The following CFAP47 variants were observed in gnomAD, a reference collection of about 807,000 sequenced individuals.
The protein encoded by CFAP47 is cilia and flagella associated protein 47, also known as cilia- and flagella-associated protein 47.
CFAP47 carries 29 observed loss-of-function variants against 148.1 expected under a neutral mutation model. The ratio of observed to expected loss-of-function variants is 0.20; its 90% CI spans 0.15 to 0.27. The LOEUF (loss-of-function observed/expected upper bound fraction) is 0.27. Ranked by LOEUF, CFAP47 falls within the 10% of genes least tolerant of loss-of-function variation. The pLI, the probability that CFAP47 is intolerant of heterozygous loss-of-function variation, is 1.00. For missense variants in CFAP47, 1,872 were observed against 1,697.5 expected (o/e 1.10, Z -1.81); for synonymous variants, 664 against 577.3 (o/e 1.15, Z -2.15).
chrX:36,094,227 C>T (rs771143649), intron 30 of CFAP47, among the ~76,000 whole-genome samples: 20 of 110,356 alleles, frequency 1.8e-4, no homozygotes, highest in African/African-American at 5.9e-4. Context: ...TTCCATTGGT[C>T]GATGTGTATG....
intron 49 of CFAP47, among the ~76,000 whole-genome samples, chrX:36,272,121 C>CA (rs1306167578): frequency 8.9e-6 from 1 of 111,827 alleles, no homozygotes; most frequent in African/African-American, 3.3e-5. Flanking sequence ...CTGTCACACC[C>CA]AGATCAGCTG....
intron 15 of CFAP47, among the ~76,000 whole-genome samples, chrX:35,979,844 C>G (rs7879249): frequency 0.14 from 15,064 of 111,369 alleles, 1,013 homozygotes; most frequent in East Asian, 0.3. Context: ...CAAGCCCAGC[C>G]CATTCCTCCC....
At chrX:36,205,182 C>T in intron 45 of CFAP47, 72 bp downstream of exon 45, 1 of 292,221 alleles carries the variant, frequency 3.4e-6, no homozygotes, top group Non-Finnish European at 6.0e-6. Context: ...ACAGTTGAGG[C>T]AAAAAGAGAT....
intron 37 of CFAP47, among the ~76,000 whole-genome samples, chrX:36,152,592 G>A (rs1446172782): frequency 9.0e-6 from 1 of 111,258 alleles, no homozygotes; most frequent in Non-Finnish European, 1.9e-5. Flanking sequence ...CCACTGTGTG[G>A]CTGATAATGA....
chrX:36,175,460 T>C (rs1165207100), intron 39 of CFAP47, among the ~76,000 whole-genome samples: 1 of 111,792 alleles, frequency 8.9e-6, no homozygotes, highest in East Asian at 2.8e-4. Context: ...ATGATGGTGA[T>C]GTACAGATTG....
intron 8 of CFAP47, among the ~76,000 whole-genome samples, chrX:35,961,182 C>T (rs1936325248): frequency 8.9e-6 from 1 of 111,956 alleles, no homozygotes; most frequent in African/African-American, 3.2e-5. Context: ...TGAAATCATA[C>T]TTGTACATAG....
intron 37 of CFAP47, among the ~76,000 whole-genome samples, chrX:36,150,322 C>A (rs1939292908): frequency 9.0e-6 from 1 of 111,589 alleles, no homozygotes; most frequent in Non-Finnish European, 1.9e-5. Context: ...TTGGATATGC[C>A]AACACATGCT....
At chrX:36,275,848 TA>T (rs1941010650) in intron 49 of CFAP47, among the ~76,000 whole-genome samples, 1 of 111,204 alleles carries the variant, frequency 9.0e-6, no homozygotes, top group Admixed American at 9.6e-5. Flanking sequence ...GAAGGTTTTT[TA>T]TTACTGATTC....
chrX:36,234,945 C>G (rs1405668814), intron 46 of CFAP47, among the ~76,000 whole-genome samples: 2 of 111,401 alleles, frequency 1.8e-5, no homozygotes, highest in Admixed American at 1.9e-4. Flanking sequence ...TCGTGAACTG[C>G]GAATGCTGCT....
At chrX:35,959,575 G>A (rs536848736) in intron 8 of CFAP47, among the ~76,000 whole-genome samples, 27 of 111,437 alleles carry the variant, frequency 2.4e-4, no homozygotes, top group African/African-American at 7.8e-4. Context: ...TTGGGAGGCC[G>A]AGGCGGCTGG....
rs782615633 is a variant in CFAP47 at position 36,299,005 on chromosome X, C to G, written c.7715C>G (p.Ser2572Cys). Residue 2572 changes from serine (S) to cysteine (C), a missense_variant, in exon 52 of 64, where the codon TCT becomes TGT. By Grantham distance (112) the Ser-to-Cys change is moderately radical (BLOSUM62 -1). Transcript: ENST00000378653. Reference protein sequence around the residue: ...LDSTCIEIPLSNPKDRGLHLE... With the variant: ...LDSTCIEIPLCNPKDRGLHLE... ...AGCACTTGCATTGAAATACCTCTCT[C>G]TAATCCAAAAGATAGAGGTCTTCAC... 4.3e-6 allele frequency: 5 copies of G among 1,155,136 alleles called. No homozygotes were observed.
rs1026781781 is a variant in CFAP47, at chrX:35,989,223, T to C, written c.2714-96T>C. On this transcript the variant is annotated intron_variant, in intron 15 of 63. Transcript: ENST00000378653. ...AATTTTAATAGTTTATTTAATGCAA[T>C]CACATTTTTACCTTAACTCTTATTT... 6.1e-5 allele frequency: 39 copies of C among 643,768 alleles called. 1 individual carries two copies. In the South Asian group the frequency reaches 1.1e-3, roughly 18 times the overall value. 53.1% of individuals were successfully genotyped at this position (643,768 alleles called of 1,213,427 possible).
intron 24 of CFAP47, among the ~76,000 whole-genome samples, chrX:36,037,149 C>T: frequency 8.9e-6 from 1 of 111,770 alleles, no homozygotes; most frequent in East Asian, 2.8e-4. Context: ...CCAGCTGAAC[C>T]TACCATCCAT....
intron 1 of CFAP47, among the ~76,000 whole-genome samples, chrX:35,924,620 G>A (rs775526298): frequency 3.7e-5 from 4 of 108,846 alleles, no homozygotes; most frequent in Admixed American, 9.7e-5. Flanking sequence ...TATTATGTAT[G>A]TATATGATTG....
intron 33 of CFAP47, among the ~76,000 whole-genome samples, chrX:36,130,824 A>C (rs149022065): frequency 5.0e-4 from 56 of 111,651 alleles, no homozygotes; most frequent in African/African-American, 1.8e-3. Context: ...TAAGCCATGC[A>C]CAGATAAACA....
At position 36,194,548 on chromosome X, in the gene CFAP47, T is replaced by C. The variant is rs782782948; in HGVS notation, c.6321+4352T>C. On this transcript the variant is annotated intron_variant, in intron 42 of 63. Transcript: ENST00000378653. ...CTGGGTCATGTGTAATGAATGGAGA[T>C]TTAATTGGCTCATGGTTCTGCGGGC... is the stretch of plus-strand genomic sequence containing the variant. Among the ~76,000 whole-genome samples the C allele has an allele frequency of 1.2e-4, 13 of 111,936 alleles. No individual in the cohort carries two copies. The South Asian group carries it at 4.8e-3, about 41-fold the overall frequency.
intron 51 of CFAP47, 106 bp from the exon 52 acceptor site, chrX:36,298,871 C>T: frequency 2.2e-6 from 1 of 446,169 alleles, no homozygotes; most frequent in East Asian, 4.0e-5. Context: ...AAAAATAAAA[C>T]AAATGGCCTT....
At chrX:36,011,762 A>T (rs1396541092) in intron 21 of CFAP47, among the ~76,000 whole-genome samples, 1 of 112,040 alleles carries the variant, frequency 8.9e-6, no homozygotes, top group Non-Finnish European at 1.9e-5. Flanking sequence ...GAACTTTGTC[A>T]GATGGGTAGA....
At chrX:36,036,638 A>G (rs1308440325) in intron 24 of CFAP47, among the ~76,000 whole-genome samples, 1 of 111,902 alleles carries the variant, frequency 8.9e-6, no homozygotes, top group Non-Finnish European at 1.9e-5. Flanking sequence ...CTATAGTGCA[A>G]TGTAATCTGT....
Sources: gnomAD v4.1 joint callset for allele counts (sites outside exome capture counted in the v4.1 genomes callset) on GRCh38, gnomAD v4.1.1 for gene constraint, MANE v1.5 for transcripts, NCBI Gene and HGNC (gene_info 2026-07-23, HGNC 2026-07-21) for gene names.